The following COL18A1 variants were observed in gnomAD, a reference collection of about 807,000 sequenced individuals.
The protein encoded by COL18A1 is collagen type XVIII alpha 1 chain.
COL18A1 carries 133 observed loss-of-function variants against 168.0 expected under a neutral mutation model. The observed-to-expected ratio is 0.79, with a 90% confidence interval of 0.69 to 0.91. COL18A1 has a LOEUF of 0.91. Among genes scored for constraint, COL18A1 ranks in the 40% least tolerant of loss-of-function variants. The pLI is 0.00. For synonymous variants in COL18A1, 949 were observed against 809.0 expected, an observed-to-expected ratio of 1.17 and a Z score of -2.94; for missense variants, 2,126 against 1,925.4, an observed-to-expected ratio of 1.10 and a Z score of -1.95.
At chr21:45,442,423 G>A (rs1189708382) in intron 2 of COL18A1, among the ~76,000 whole-genome samples, 1 of 152,090 alleles carries the variant, frequency 6.6e-6, no homozygotes, top group Admixed American at 6.5e-5. Context: ...GGGTGTCCCT[G>A]CCCCTGAGCC....
chr21:45,408,775 G>C (rs1039367728), intron 2 of COL18A1, among the ~76,000 whole-genome samples: 1 of 152,138 alleles, frequency 6.6e-6, no homozygotes, highest in Non-Finnish European at 1.5e-5. Flanking sequence ...TCAGGAAGGA[G>C]ACCCGGCTGG....
At position 45,471,619 on chromosome 21, in the gene COL18A1, C is replaced by T. The variant is rs2035431581; in HGVS notation, c.652-2276C>T. Among the ~76,000 whole-genome samples, 1 of 152,162 alleles carries T rather than the reference C, an allele frequency of 6.6e-6. No individual in the cohort carries two copies. The highest frequency in any genetic ancestry group is 2.1e-4 in the South Asian group (1 of 4,828). On this transcript the variant is annotated intron_variant, in intron 3 of 41. Transcript: ENST00000651438. The surrounding 1 kb of genome is among the most constrained non-coding windows in gnomAD (Gnocchi z 4.4). The stretch of plus-strand genomic sequence containing the variant: ...CTAAGAGTCCTTGGGCGTTGTTGGT[C>T]TTTTCAGGTTCACTTTCTTGAGTCA...
intron 2 of COL18A1, chr21:45,421,516 A>G (rs2033623521): frequency 1.9e-6 from 1 of 534,552 alleles, no homozygotes; most frequent in South Asian, 1.4e-5. Flanking sequence ...CACGCGGGTC[A>G]GCAGCCCATC....
Position 45,468,244 on chromosome 21 carries a change from C to T in COL18A1, c.109C>T (p.Arg37Cys), listed in dbSNP as rs1020212554. 9.9e-6 allele frequency: 16 copies of T among 1,612,842 alleles called. No individual in the cohort carries two copies. The highest frequency in any genetic ancestry group is 4.5e-5 in the East Asian group (2 of 44,902). Residue 37 changes from arginine to cysteine, a missense_variant and splice_region_variant, in exon 3 of 42, where the codon CGC (arginine) becomes TGC (cysteine). Transcript: ENST00000651438. ...ACCAGCTGTCTTTCTTTTTGCAGAG[C>T]GCATCAGCGAGGAGGTGGGGCTGCT... ...GVRAASAEPERISEEVGLLQL... is the reference protein window; with the variant it reads ...GVRAASAEPECISEEVGLLQL...
intron 41 of COL18A1, 151 bp from the exon 42 acceptor site, chr21:45,512,037 G>C: frequency 1.2e-6 from 1 of 800,008 alleles, no homozygotes; most frequent in Non-Finnish European, 2.1e-6. Flanking sequence ...CCAGCAGGGA[G>C]GCCATGTGGC....
chr21:45,509,724 C>A, intron 39 of COL18A1, 123 bp downstream of exon 39: 2 of 727,146 alleles, frequency 2.8e-6, no homozygotes, highest in South Asian at 3.0e-5. Flanking sequence ...GGGGGTCTGG[C>A]GGCTCAGGGC....
intron 9 of COL18A1, among the ~76,000 whole-genome samples, chr21:45,479,466 G>C (rs1483854030): frequency 1.3e-5 from 2 of 152,014 alleles, no homozygotes; most frequent in African/African-American, 4.8e-5. Flanking sequence ...ACCACACGTG[G>C]ATACACACAT....
At chr21:45,494,058 G>A in intron 26 of COL18A1, 1 of 290,678 alleles carries the variant, frequency 3.4e-6, no homozygotes, top group African/African-American at 2.2e-5. Flanking sequence ...GGGTCCTGGG[G>A]AGAAGCCTGG....
rs774784084 is a variant in COL18A1, at chr21:45,496,577, C to T, written c.2577+9C>T. 70 of 1,354,118 alleles carry T rather than the reference C, an allele frequency of 5.2e-5. No individual in the cohort carries two copies. Among genetic ancestry groups the T allele is most frequent in the Non-Finnish European group, 7.1e-5 (67 of 948,922 alleles). The allele number at this position is 1,354,118 out of a possible 1,614,324, so 83.9% of individuals were successfully genotyped here. ...CTGTTTACGACAGCAATGTAAGTCC[C>T]CAGGGCACCCACTGTCCTACAGCCA... On this transcript the variant is annotated intron_variant, in intron 30 of 41. Coordinates refer to ENST00000651438, the MANE Select transcript of COL18A1 (RefSeq NM_001379500.1).
At chr21:45,453,753 C>T (rs1214510760) in intron 2 of COL18A1, among the ~76,000 whole-genome samples, 2 of 152,142 alleles carry the variant, frequency 1.3e-5, no homozygotes, top group East Asian at 1.9e-4. Context: ...GTGCTCAGTG[C>T]CATGGGGCTG....
At chr21:45,437,009 G>A (rs553421010) in intron 2 of COL18A1, among the ~76,000 whole-genome samples, 5 of 152,194 alleles carry the variant, frequency 3.3e-5, no homozygotes, top group African/African-American at 7.2e-5. Flanking sequence ...GTCTGCATCC[G>A]TTCCTGTACA....
At chr21:45,489,771 C>T (rs2036234309) in intron 19 of COL18A1, among the ~76,000 whole-genome samples, 2 of 148,268 alleles carry the variant, frequency 1.3e-5, no homozygotes, top group South Asian at 4.6e-4. Flanking sequence ...GGCTGTCTGG[C>T]TGTGCAGGCC....
At chr21:45,427,739 G>A (rs568319820) in intron 2 of COL18A1, among the ~76,000 whole-genome samples, 25 of 152,336 alleles carry the variant, frequency 1.6e-4, no homozygotes, top group South Asian at 6.2e-4. Flanking sequence ...CTGCCGGGCC[G>A]AGCATTCATG....
chr21:45,510,286 G>A (rs747960434), intron 40 of COL18A1, 25 bp downstream of exon 40: 12 of 1,579,288 alleles, frequency 7.6e-6, no homozygotes, highest in African/African-American at 2.7e-5. Context: ...TCCTGAGGGC[G>A]CGGGCTCCTC....
At chr21:45,476,503 TGTGTGTGTGGTGTGGG>T (rs753080879) in intron 6 of COL18A1, 23 bp downstream of exon 6, 52 of 1,573,706 alleles carry the variant, frequency 3.3e-5, no homozygotes, top group Admixed American at 1.1e-4. Context: ...CTGGATGTGG[TGTGTGTGTGGTGTGGG>T]GTGTGTGTGG....
intron 6 of COL18A1, among the ~76,000 whole-genome samples, chr21:45,476,980 G>C (rs889242353): frequency 6.6e-6 from 1 of 151,708 alleles, no homozygotes; most frequent in Non-Finnish European, 1.5e-5. Flanking sequence ...AGGCCCGGAT[G>C]GTGGCTCTGG....
chr21:45,495,218 G>A (rs1477830756), intron 28 of COL18A1, 140 bp from the exon 29 acceptor site: 8 of 748,632 alleles, frequency 1.1e-5, no homozygotes, highest in Non-Finnish European at 1.6e-5. Context: ...GAAGGGCCGG[G>A]GTAGCCTGAG....
In COL18A1 at chr21:45,509,497, C is replaced by G. The variant is rs985397755; in HGVS notation, c.3391C>G (p.Pro1131Ala). The G allele has an allele frequency of 6.5e-7, 1 of 1,529,254 alleles. No individual in the cohort carries two copies. The highest frequency in any genetic ancestry group is 1.4e-5 in the African/African-American group (1 of 73,190). 94.7% of individuals were successfully genotyped at this position (1,529,254 alleles called of 1,614,324 possible). The change falls in exon 39 of 42, where the codon CCC becomes GCC. Residue 1131 changes from proline (P) to alanine (A), a missense_variant. Pro to Ala is a conservative substitution (Grantham distance 27). Transcript: ENST00000651438. ...ILASPPRLPE[P>A]QPYPGAPHHS... is the part of the protein sequence containing the mutation. The stretch of plus-strand genomic sequence containing the variant: ...GGCCAGCCCCCCTCGCCTGCCCGAG[C>G]CCCAGCCCTACCCCGGAGCCCCGCA...
intron 2 of COL18A1, among the ~76,000 whole-genome samples, chr21:45,436,874 T>C (rs1467636391): frequency 5.0e-5 from 1 of 19,850 alleles, no homozygotes; most frequent in African/African-American, 2.4e-4. Context: ...AGTTGCTGGC[T>C]GGGGGGCAGC....
Sources: gnomAD v4.1 joint callset for allele counts (sites outside exome capture counted in the v4.1 genomes callset) on GRCh38, gnomAD v4.1.1 for gene constraint, Gnocchi (gnomAD v3.1) non-coding constraint, MANE v1.5 for transcripts, NCBI Gene and HGNC (gene_info 2026-07-23, HGNC 2026-07-21) for gene names.